CA5B: variants seen among roughly 807,000 people sequenced by gnomAD.
CA5B encodes carbonic anhydrase 5B, mitochondrial.
In CA5B, 15 loss-of-function variants were observed where a neutral mutation model predicts 23.1. The observed-to-expected ratio is 0.65, with a 90% confidence interval of 0.43 to 1.00. The LOEUF is 1.00. Among genes scored for constraint, CA5B ranks in the 50% least tolerant of loss-of-function variants. CA5B has a pLI of 0.00. For synonymous variants in CA5B, 84 were observed against 98.5 expected (o/e 0.85, Z 0.87); for missense variants, 236 against 252.2 (o/e 0.94, Z 0.43).
intron 1 of CA5B, among the ~76,000 whole-genome samples, chrX:15,748,221 A>G (rs1263961665): frequency 1.8e-5 from 2 of 112,132 alleles, no homozygotes; most frequent in Non-Finnish European, 3.8e-5. Context: ...GCCTAGTCCT[A>G]TGTAGTATTT....
chrX:15,753,501 T>C (rs779450907), intron 2 of CA5B, among the ~76,000 whole-genome samples: 1 of 112,218 alleles, frequency 8.9e-6, no homozygotes, highest in South Asian at 3.7e-4. Flanking sequence ...AGGTGTCAGA[T>C]CTCTCCTGGA....
chrX:15,787,996 T>A lies in CA5B; in HGVS notation c.*5332T>A, dbSNP rs1932146738. 8.9e-6 allele frequency: 1 copy of A among 112,256 alleles called. No individual in the cohort carries two copies. The highest frequency in any genetic ancestry group is 3.6e-4 in the South Asian group (1 of 2,771). 9.3% of individuals were successfully genotyped at this position (112,256 alleles called of 1,213,427 possible). Reference sequence around the variant, plus strand: ...TTACAACAACTTAAACACTGATGCTTTCAGAACGGGCAGCAATTCTCAGCG... The same window carrying A: ...TTACAACAACTTAAACACTGATGCTATCAGAACGGGCAGCAATTCTCAGCG... On this transcript the variant is annotated 3_prime_UTR_variant, in exon 8 of 8. Transcript: ENST00000318636.
At chrX:15,751,758 A>G (rs146028865) in intron 2 of CA5B, among the ~76,000 whole-genome samples, 121 of 111,229 alleles carry the variant, frequency 1.1e-3, no homozygotes, top group African/African-American at 3.3e-3. Flanking sequence ...TGTTTGTAGC[A>G]TATTATACTG....
At chrX:15,744,621 G>C (rs1019553170) in intron 1 of CA5B, among the ~76,000 whole-genome samples, 1 of 111,612 alleles carries the variant, frequency 9.0e-6, no homozygotes, top group Non-Finnish European at 1.9e-5. Flanking sequence ...ATTGTTTATT[G>C]AGTAAACCTA....
chrX:15,768,844 C>G (rs1601790357), intron 3 of CA5B: 1 of 112,139 alleles, frequency 8.9e-6, no homozygotes, highest in East Asian at 2.8e-4. Flanking sequence ...CTATAAATTT[C>G]AAAGACAAAA....
intron 3 of CA5B, chrX:15,767,108 A>G: frequency 3.5e-6 from 3 of 861,480 alleles, no homozygotes; most frequent in Non-Finnish European, 4.3e-6. Context: ...TCTATAGGAT[A>G]CCAACCCTCA....
At position 15,738,307 on chromosome X, in the gene CA5B, C is replaced by G. The variant is rs750242349; in HGVS notation, c.-99C>G. On this transcript the variant is annotated 5_prime_UTR_variant, in exon 1 of 8. Transcript: ENST00000318636. ...GCCGGACGTGCAGGCTGCGGATCCCCGTAGGCGAGCGAGCGGCTAGGTTCG... is the reference window on the plus strand; with the variant it reads ...GCCGGACGTGCAGGCTGCGGATCCCGGTAGGCGAGCGAGCGGCTAGGTTCG... 1 of 110,722 alleles carries G rather than the reference C, an allele frequency of 9.0e-6. No homozygotes were observed. Among genetic ancestry groups the G allele is most frequent in the Non-Finnish European group, 1.9e-5 (1 of 52,938 alleles). The allele number at this position is 110,722 out of a possible 1,213,427, so 9.1% of individuals were successfully genotyped here. A position where few individuals can be genotyped will look rare whatever the true frequency, so the allele number is the denominator to read the frequency against.
At chrX:15,741,603 C>T (rs1027157271) in intron 1 of CA5B, among the ~76,000 whole-genome samples, 1 of 109,456 alleles carries the variant, frequency 9.1e-6, no homozygotes, top group Non-Finnish European at 1.9e-5. Flanking sequence ...CTCAGCCTCC[C>T]GAGTACAGGC....
Position 15,764,483 on chromosome X carries a change from A to G in CA5B, c.143-95A>G, listed in dbSNP as rs886646614. On this transcript the variant is annotated intron_variant, in intron 2 of 7. Transcript: ENST00000318636. ...TCAAACTTCTGGCCTCAAGTGATCC[A>G]CCCGCCTTGGCCTCCCCAAGTGCTG... The G allele has an allele frequency of 1.7e-4, 198 of 1,153,486 alleles. 1 individual carries two copies. Among genetic ancestry groups the G allele is most frequent in the Middle Eastern group, 6.2e-4 (2 of 3,244 alleles).
chrX:15,738,760 G>T (rs1236174741), intron 1 of CA5B, among the ~76,000 whole-genome samples: 4 of 111,052 alleles, frequency 3.6e-5, no homozygotes, highest in African/African-American at 1.3e-4. Flanking sequence ...AGAGACGGGG[G>T]TAAGGGCGAC....
chrX:15,740,502 T>C (rs1472561283), intron 1 of CA5B, among the ~76,000 whole-genome samples: 2 of 112,704 alleles, frequency 1.8e-5, no homozygotes, highest in Admixed American at 9.4e-5. Context: ...ATTGAATTTC[T>C]GTTTACTTGG....
intron 2 of CA5B, among the ~76,000 whole-genome samples, chrX:15,759,805 A>G (rs1225089049): frequency 1.2e-5 from 1 of 84,615 alleles, no homozygotes; most frequent in African/African-American, 4.8e-5. Flanking sequence ...CTGGAGTGCA[A>G]TGACACAATC....
chrX:15,747,943 C>T (rs765814898), intron 1 of CA5B, among the ~76,000 whole-genome samples: 2 of 107,060 alleles, frequency 1.9e-5, no homozygotes, highest in Non-Finnish European at 3.8e-5. Context: ...GAGCAGCTCT[C>T]TCTCTTGCAA....
intron 7 of CA5B, among the ~76,000 whole-genome samples, chrX:15,777,070 G>C (rs1335336958): frequency 8.9e-6 from 1 of 112,265 alleles, no homozygotes; most frequent in East Asian, 2.8e-4. Context: ...AAACACAGAA[G>C]AACATAAGTT....
At chrX:15,742,690 T>C (rs926353220) in intron 1 of CA5B, among the ~76,000 whole-genome samples, 3 of 112,834 alleles carry the variant, frequency 2.7e-5, no homozygotes, top group Non-Finnish European at 3.7e-5. Flanking sequence ...GAGTGATCTT[T>C]TAAAAATGTA....
At chrX:15,756,979 G>A (rs975531058) in intron 2 of CA5B, among the ~76,000 whole-genome samples, 21 of 107,250 alleles carry the variant, frequency 2.0e-4, no homozygotes, top group Non-Finnish European at 3.3e-4. Flanking sequence ...GGCAGGAACC[G>A]GGGAGGCAGA....
rs1056844689 is a variant in CA5B, at chrX:15,776,064, C to T, written c.619-650C>T. ...CGAAAATGCAAAGCCTCCAACCGGG[C>T]GCAGTGGCTCACGCCTGTAATCACA... On this transcript the variant is annotated intron_variant, in intron 6 of 7. Transcript: ENST00000318636. The T allele has an allele frequency of 1.5e-4, 108 of 738,362 alleles. No homozygotes were observed. The South Asian group carries it at 1.7e-3, about 11-fold the overall frequency. The allele number at this position is 738,362 out of a possible 1,213,427, so 60.8% of individuals were successfully genotyped here. A position where few individuals can be genotyped will look rare whatever the true frequency, so the allele number is the denominator to read the frequency against.
rs774132878 is a variant in CA5B, at chrX:15,753,837, A to T, written c.142+3672A>T. 7.1e-5 allele frequency among the ~76,000 whole-genome samples: 8 copies of T among 112,542 alleles called. No individual in the cohort carries two copies. In the East Asian group the frequency reaches 1.9e-3, roughly 27 times the overall value. ...GGCAAAAGAATCACTTGAACCCAGG[A>T]GGCAGAGGTTCCAGGTGAGCTGAGA... On this transcript the variant is annotated intron_variant, in intron 2 of 7. Coordinates refer to ENST00000318636, the MANE Select transcript of CA5B (RefSeq NM_007220.4).
intron 1 of CA5B, among the ~76,000 whole-genome samples, chrX:15,742,596 A>C (rs1317922856): frequency 2.7e-5 from 3 of 112,152 alleles, no homozygotes; most frequent in Admixed American, 1.9e-4. Context: ...CTGGTCACGA[A>C]CTCCTGACCT....
Sources: allele counts gnomAD v4.1 joint callset (sites outside exome capture counted in the v4.1 genomes callset), GRCh38; gene constraint gnomAD v4.1.1; transcripts MANE v1.5; gene names NCBI Gene and HGNC (gene_info 2026-07-23, HGNC 2026-07-21).